Variants in GSE1 observed in about 807,000 individuals in gnomAD.
GSE1 encodes the protein genetic suppressor element 1.
Under a neutral mutation model 112.6 loss-of-function variants are expected in GSE1, and 32 were observed. The ratio of observed to expected loss-of-function variants is 0.28; its 90% CI spans 0.21 to 0.38. The LOEUF is 0.38. Ranked by LOEUF, GSE1 falls within the 10% of genes least tolerant of loss-of-function variation. GSE1 has a pLI of 1.00. For synonymous variants in GSE1, 1,115 were observed against 735.6 expected (o/e 1.52, Z -8.35); for missense variants, 2,348 against 1,699.2 (o/e 1.38, Z -6.71).
intron 1 of GSE1, among the ~76,000 whole-genome samples, chr16:85,206,698 G>A (rs999306157): frequency 1.4e-5 from 2 of 141,440 alleles, no homozygotes; most frequent in East Asian, 2.3e-4. Flanking sequence ...GGCCCCCAGC[G>A]TCCTCAGCAG....
At chr16:85,525,718 C>G (rs2052344947) in intron 2 of GSE1, among the ~76,000 whole-genome samples, 1 of 152,222 alleles carries the variant, frequency 6.6e-6, no homozygotes. Flanking sequence ...ATCAGTATGT[C>G]TGGGCTCAAA....
intron 2 of GSE1, among the ~76,000 whole-genome samples, chr16:85,517,676 C>T (rs763643292): frequency 2.6e-5 from 4 of 152,220 alleles, no homozygotes; most frequent in Admixed American, 2.6e-4. Flanking sequence ...TTTCTTTTCT[C>T]GTTTTATCTC....
intron 2 of GSE1, among the ~76,000 whole-genome samples, chr16:85,634,722 C>T (rs2049841594): frequency 6.6e-6 from 1 of 152,196 alleles, no homozygotes; most frequent in Non-Finnish European, 1.5e-5. Flanking sequence ...GCTGTGTGAA[C>T]CTGGGCACGT....
At chr16:85,641,655 G>A (rs1163592468) in intron 2 of GSE1, among the ~76,000 whole-genome samples, 2 of 152,266 alleles carry the variant, frequency 1.3e-5, no homozygotes, top group East Asian at 3.8e-4. Flanking sequence ...GCCTGTTCTT[G>A]TCACTTGTGC....
Position 85,172,508 on chromosome 16 carries a change from C to T in GSE1, c.2283+701C>T, listed in dbSNP as rs74034135. ...ATAAGGCGCCTGCCTTCCTGCTGCC[C>T]GCCCGCGAGGAGCCAGACGGGGCTC... On this transcript the variant is annotated intron_variant, in intron 1 of 2. Coordinates refer to the GSE1 transcript ENST00000637419. Among the ~76,000 whole-genome samples the T allele has an allele frequency of 1.6e-3, 240 of 152,312 alleles. 1 individual carries two copies. Among genetic ancestry groups the T allele is most frequent in the African/African-American group, 5.6e-3 (234 of 41,564 alleles).
intron 2 of GSE1, among the ~76,000 whole-genome samples, chr16:85,506,159 C>G (rs1487622545): frequency 6.6e-6 from 1 of 152,120 alleles, no homozygotes; most frequent in East Asian, 1.9e-4. Flanking sequence ...GTAGCTCTGG[C>G]CAGCGGAACT....
intron 2 of GSE1, among the ~76,000 whole-genome samples, chr16:85,502,702 G>C (rs2051410555): frequency 6.6e-6 from 1 of 152,234 alleles, no homozygotes; most frequent in South Asian, 2.1e-4. Flanking sequence ...ACCTGCAGGG[G>C]AGCCTGGGGT....
rs115371262 is a variant in GSE1 at position 85,361,959 on chromosome 16, C to G, written c.2464+4316C>G. 4.9e-3 allele frequency among the ~76,000 whole-genome samples: 740 copies of G among 152,354 alleles called. 6 individuals carry two copies. The highest frequency in any genetic ancestry group is 0.017 in the African/African-American group (701 of 41,588). ...GTGGGGCCACTCCCGGGCAAAGGCT[C>G]CTGGTGGCTGGCCAGGCTCTCACCA... On this transcript the variant is annotated intron_variant, in intron 2 of 2. Transcript: ENST00000637419.
chr16:85,371,717 G>T (rs1174004860), intron 2 of GSE1, among the ~76,000 whole-genome samples: 1 of 152,168 alleles, frequency 6.6e-6, no homozygotes, highest in Non-Finnish European at 1.5e-5. Context: ...GTGAGCTCAG[G>T]GTGCCTCCCA....
chr16:85,219,489 G>A (rs1221873021), intron 1 of GSE1, among the ~76,000 whole-genome samples: 4 of 152,150 alleles, frequency 2.6e-5, no homozygotes, highest in Non-Finnish European at 5.9e-5. Flanking sequence ...TGGTCAGGGA[G>A]CCTCGGCCCT....
intron 2 of GSE1, among the ~76,000 whole-genome samples, chr16:85,497,118 T>C (rs1350527110): frequency 6.6e-6 from 1 of 152,080 alleles, no homozygotes; most frequent in Non-Finnish European, 1.5e-5. Flanking sequence ...AGGCTGGTCT[T>C]GAACTCCTGA....
At chr16:85,455,788 G>A (rs1224701374) in intron 2 of GSE1, among the ~76,000 whole-genome samples, 1 of 152,186 alleles carries the variant, frequency 6.6e-6, no homozygotes, top group Non-Finnish European at 1.5e-5. Context: ...CCACGTGCAG[G>A]CAGCTGTCTG....
intron 1 of GSE1, among the ~76,000 whole-genome samples, chr16:85,331,475 A>ATATATGTG (rs1567692899): frequency 7.6e-6 from 1 of 132,002 alleles, no homozygotes; most frequent in East Asian, 2.3e-4. Context: ...GTATATATGT[A>ATATATGTG]TATATGTGTA....
At chr16:85,566,193 C>T (rs993940843) in intron 1 of GSE1, among the ~76,000 whole-genome samples, 13 of 152,184 alleles carry the variant, frequency 8.5e-5, no homozygotes, top group African/African-American at 1.2e-4. Flanking sequence ...AGCTGCACGC[C>T]GTCCATATCT....
intron 3 of GSE1, among the ~76,000 whole-genome samples, chr16:85,650,751 G>A (rs1361588925): frequency 1.3e-5 from 2 of 152,148 alleles, no homozygotes; most frequent in African/African-American, 2.4e-5. Flanking sequence ...GCTCAGCGGG[G>A]CATTTAATCC....
intron 1 of GSE1, among the ~76,000 whole-genome samples, chr16:85,209,038 G>A (rs941714970): frequency 1.3e-5 from 2 of 151,938 alleles, no homozygotes; most frequent in East Asian, 1.9e-4. Flanking sequence ...GCCTGTGTTG[G>A]GGTTTGCCAC....
chr16:85,426,077 A>AAG (rs1567477111), intron 2 of GSE1, among the ~76,000 whole-genome samples: 35 of 18,960 alleles, frequency 1.8e-3, no homozygotes, highest in Admixed American at 3.9e-3. Flanking sequence ...ATGGATGGGT[A>AAG]GATGGATGGG....
intron 2 of GSE1, among the ~76,000 whole-genome samples, chr16:85,383,079 A>G (rs534611401): frequency 6.9e-4 from 105 of 152,048 alleles, no homozygotes; most frequent in African/African-American, 2.0e-3. Flanking sequence ...ACATGTAATC[A>G]CAGCCTTAGT....
intron 2 of GSE1, among the ~76,000 whole-genome samples, chr16:85,536,179 C>CAAGG (rs1186041240): frequency 6.6e-6 from 1 of 152,228 alleles, no homozygotes; most frequent in African/African-American, 2.4e-5. Context: ...AGGTCACCAA[C>CAAGG]AAGGCTTCTG....
Sources: gnomAD v4.1 joint callset for allele counts (sites outside exome capture counted in the v4.1 genomes callset) on GRCh38, gnomAD v4.1.1 for gene constraint, MANE v1.5 for transcripts, NCBI Gene and HGNC (gene_info 2026-07-23, HGNC 2026-07-21) for gene names.